The following MND1 variants were observed in gnomAD, a reference collection of about 807,000 sequenced individuals.
MND1 encodes meiotic nuclear division protein 1 homolog.
In MND1, 28 loss-of-function variants were observed where a neutral mutation model predicts 35.1. That is an observed-to-expected ratio of 0.80 (90% CI 0.59 to 1.09). The LOEUF (loss-of-function observed/expected upper bound fraction) is 1.09. Ranked by LOEUF, MND1 falls within the 50% of genes least tolerant of loss-of-function variation. The pLI is 0.00. For synonymous variants in MND1, 69 were observed against 70.5 expected (o/e 0.98, Z 0.11); for missense variants, 213 against 239.6 (o/e 0.89, Z 0.73).
intron 4 of MND1, chr4:153,362,870 TATTA>T (rs1329181785): frequency 2.7e-6 from 1 of 366,292 alleles, no homozygotes; most frequent in Non-Finnish European, 3.8e-6. Flanking sequence ...CCAATTTTTA[TATTA>T]ATTTCTTGGC....
intron 2 of MND1, among the ~76,000 whole-genome samples, chr4:153,351,765 T>C (rs985810842): frequency 6.6e-6 from 1 of 152,220 alleles, no homozygotes; most frequent in African/African-American, 2.4e-5. Flanking sequence ...AATTTGATTT[T>C]CTATAGATGT....
chr4:153,403,446 G>A lies in MND1; in HGVS notation c.467-5525G>A, dbSNP rs1579953499. On this transcript the variant is annotated intron_variant, in intron 6 of 7. Transcript: ENST00000240488. ...AGTCCAAGTGTTTAAGGAAATCTCTGTTCAATTAATAGCTTGACCACTAAG... is the reference window on the plus strand; with the variant it reads ...AGTCCAAGTGTTTAAGGAAATCTCTATTCAATTAATAGCTTGACCACTAAG... 3.3e-5 allele frequency among the ~76,000 whole-genome samples: 5 copies of A among 152,196 alleles called. No homozygotes were observed. The East Asian group carries it at 9.6e-4, about 29-fold the overall frequency.
rs1055847097 is a variant in MND1 at position 153,397,405 on chromosome 4, C to G, written c.466+72C>G. On this transcript the variant is annotated intron_variant, in intron 6 of 7. Transcript: ENST00000240488. ...AAGACTTTATTTTTCTAGTTGCCTG[C>G]TAACTATTCTCCATGTATATGAGAA... 1.2e-5 allele frequency: 12 copies of G among 1,038,746 alleles called. No homozygotes were observed. The East Asian group carries it at 3.1e-4, about 27-fold the overall frequency. 64.3% of individuals were successfully genotyped at this position (1,038,746 alleles called of 1,614,324 possible).
intron 3 of MND1, among the ~76,000 whole-genome samples, chr4:153,356,036 C>T (rs564864010): frequency 2.0e-5 from 3 of 152,180 alleles, no homozygotes; most frequent in African/African-American, 4.8e-5. Flanking sequence ...TGGCTGGTAG[C>T]GCACACACAC....
rs767520574 is a variant in MND1, at chr4:153,414,888, CTT to C, written c.*32_*33del. On this transcript the variant is annotated 3_prime_UTR_variant, in exon 8 of 8. Transcript: ENST00000240488. The stretch of plus-strand genomic sequence containing the variant: ...TCCATGGTGGTGAAGGATGTACAAG[CTT>C]GTGAATATGTAAATTTTAAACTATT... 1 of 967,342 alleles carries C rather than the reference CTT, an allele frequency of 1.0e-6. No individual in the cohort carries two copies. The highest frequency in any genetic ancestry group is 2.6e-5 in the East Asian group (1 of 37,932). The allele number at this position is 967,342 out of a possible 1,614,324, so 59.9% of individuals were successfully genotyped here.
chr4:153,400,745 T>G (rs1432182763), intron 6 of MND1, among the ~76,000 whole-genome samples: 1 of 149,418 alleles, frequency 6.7e-6, no homozygotes, highest in Admixed American at 6.7e-5. Context: ...AAGATAAAAT[T>G]CATTATGTCT....
At position 153,358,597 on chromosome 4, in the gene MND1, A is replaced by G. The variant is rs144429523; in HGVS notation, c.251A>G (p.His84Arg). The part of the protein sequence containing the change: ...FPSKALHARK[H>R]KLEVLESQLS... ...AGTAAAGCTCTTCATGCAAGGAAAC[A>G]TAAGTTGGAGGTTCTGGAATCTCAG... Residue 84 changes from histidine to arginine, a missense_variant, in exon 4 of 8, where the codon CAT (histidine) becomes CGT (arginine). Coordinates refer to ENST00000240488, the MANE Select transcript of MND1 (RefSeq NM_032117.4). 79 of 1,613,032 alleles carry G rather than the reference A, an allele frequency of 4.9e-5. No homozygotes were observed. The African/African-American group carries it at 8.8e-4, about 18-fold the overall frequency.
At chr4:153,353,404 C>CATATATATATATATATATAT (rs58280101) in intron 2 of MND1, among the ~76,000 whole-genome samples, 3 of 81,942 alleles carry the variant, frequency 3.7e-5, no homozygotes, top group African/African-American at 4.2e-5. Flanking sequence ...GACTTTATCA[C>CATATATATATATATATATAT]ATATATATAT....
At chr4:153,355,566 T>C in intron 2 of MND1, 88 bp from the exon 3 acceptor site, 1 of 736,842 alleles carries the variant, frequency 1.4e-6, no homozygotes, top group Non-Finnish European at 2.4e-6. Flanking sequence ...AACTATTATG[T>C]ACCCATAATA....
intron 6 of MND1, among the ~76,000 whole-genome samples, chr4:153,403,430 G>A (rs1729398715): frequency 6.6e-6 from 1 of 152,194 alleles, no homozygotes; most frequent in Admixed American, 6.5e-5. Context: ...TAGTCCAAGT[G>A]TTTAAGGAAA....
intron 1 of MND1, 69 bp downstream of exon 1, chr4:153,344,809 G>A: frequency 6.3e-7 from 1 of 1,575,300 alleles, no homozygotes; most frequent in Non-Finnish European, 8.6e-7. Context: ...CCCCTCGGCT[G>A]CATGTGGATC....
At chr4:153,369,603 G>A (rs1484622080) in intron 4 of MND1, among the ~76,000 whole-genome samples, 1 of 152,244 alleles carries the variant, frequency 6.6e-6, no homozygotes, top group Non-Finnish European at 1.5e-5. Context: ...AAATGCTGAT[G>A]AGCATCTGAG....
At chr4:153,398,428 T>A (rs1729257948) in intron 6 of MND1, among the ~76,000 whole-genome samples, 1 of 152,238 alleles carries the variant, frequency 6.6e-6, no homozygotes, top group Non-Finnish European at 1.5e-5. Flanking sequence ...GCTGGCCTAG[T>A]CCTTGGCAGT....
intron 4 of MND1, chr4:153,381,694 T>TATATA (rs1561068650): frequency 1.4e-3 from 12 of 8,544 alleles, no homozygotes; most frequent in South Asian, 6.5e-3. Flanking sequence ...ATATATATAT[T>TATATA]TTTTTTTTTT....
chr4:153,355,679 T>G lies in MND1; in HGVS notation c.95T>G (p.Leu32Trp). The G allele has an allele frequency of 6.3e-7, 1 of 1,589,252 alleles. No homozygotes were observed. The highest frequency in any genetic ancestry group is 2.2e-5 in the East Asian group (1 of 44,560). The change falls in exon 3 of 8, where the codon TTG (leucine) becomes TGG (tryptophan). Residue 32 changes from leucine (L) to tryptophan (W), a missense_variant. Coordinates refer to ENST00000240488, the MANE Select transcript of MND1 (RefSeq NM_032117.4). ...ETKDVFQLKD[L>W]EKIAPKEKGI... ...AAAGATGTATTTCAATTAAAAGACTTGGAGAAGATTGCTCCCAAAGAGAAA... is the reference window on the plus strand; with the variant it reads ...AAAGATGTATTTCAATTAAAAGACTGGGAGAAGATTGCTCCCAAAGAGAAA...
At chr4:153,388,280 G>A (rs1171236358) in intron 4 of MND1, among the ~76,000 whole-genome samples, 5 of 152,090 alleles carry the variant, frequency 3.3e-5, no homozygotes, top group African/African-American at 4.8e-5. Context: ...ACCTGAGCCC[G>A]GGAGTTTGAG....
intron 6 of MND1, among the ~76,000 whole-genome samples, chr4:153,407,083 T>G (rs1224106695): frequency 6.6e-6 from 1 of 152,184 alleles, no homozygotes; most frequent in Non-Finnish European, 1.5e-5. Flanking sequence ...ACGTGGGAAT[T>G]GTGGGTGTTA....
At chr4:153,367,294 T>C (rs921279418) in intron 4 of MND1, among the ~76,000 whole-genome samples, 6 of 152,206 alleles carry the variant, frequency 3.9e-5, no homozygotes, top group African/African-American at 1.4e-4. Flanking sequence ...TTAGCTATTA[T>C]TCTGAATCTT....
chr4:153,412,627 C>T (rs887765135), intron 7 of MND1, among the ~76,000 whole-genome samples: 2 of 151,240 alleles, frequency 1.3e-5, no homozygotes, highest in Non-Finnish European at 2.9e-5. Context: ...GGATTATAGG[C>T]GCACACCACC....
Sources: gnomAD v4.1 joint callset for allele counts (sites outside exome capture counted in the v4.1 genomes callset) on GRCh38, gnomAD v4.1.1 for gene constraint, MANE v1.5 for transcripts, NCBI Gene and HGNC (gene_info 2026-07-23, HGNC 2026-07-21) for gene names.